The following EML6 variants were observed in gnomAD, a reference collection of about 807,000 sequenced individuals.
EML6 encodes echinoderm microtubule-associated protein-like 6.
Under a neutral mutation model 240.1 loss-of-function variants are expected in EML6, and 154 were observed. That is an observed-to-expected ratio of 0.64 (90% CI 0.56 to 0.73). The LOEUF is 0.73. Among genes scored for constraint, EML6 ranks in the 30% least tolerant of loss-of-function variants. The pLI, the probability that EML6 is intolerant of heterozygous loss-of-function variation, is 0.00. For synonymous variants in EML6, 1,148 were observed against 899.0 expected (o/e 1.28, Z -4.95); for missense variants, 2,964 against 2,474.6 (o/e 1.20, Z -4.20).
chr2:54,874,921 C>T (rs1399983775), intron 16 of EML6, among the ~76,000 whole-genome samples: 1 of 152,152 alleles, frequency 6.6e-6, no homozygotes, highest in East Asian at 1.9e-4. Context: ...AAGGCAGAAC[C>T]CAGGTCCATT....
chr2:54,890,562 G>C (rs1672411170), intron 17 of EML6, among the ~76,000 whole-genome samples: 1 of 152,086 alleles, frequency 6.6e-6, no homozygotes, highest in Non-Finnish European at 1.5e-5. Flanking sequence ...TGGGTCCAGG[G>C]CTTCAACTTC....
At chr2:54,731,726 G>T (rs1192114641) in intron 2 of EML6, among the ~76,000 whole-genome samples, 2 of 152,140 alleles carry the variant, frequency 1.3e-5, no homozygotes, top group Non-Finnish European at 2.9e-5. Context: ...ATAAAGAATT[G>T]TATCAGTCCC....
At chr2:54,815,293 AG>A (rs1668033255) in intron 3 of EML6, among the ~76,000 whole-genome samples, 1 of 152,204 alleles carries the variant, frequency 6.6e-6, no homozygotes, top group African/African-American at 2.4e-5. Context: ...CTTGTATGTT[AG>A]CCATGGTGGA....
Position 54,957,872 on chromosome 2 carries a change from A to G in EML6, c.4569A>G (p.Val1523=), listed in dbSNP as rs534657222. The G allele has an allele frequency of 1.0e-5, 16 of 1,551,410 alleles. No homozygotes were observed. In the East Asian group the frequency reaches 1.2e-4, roughly 12 times the overall value. The part of the protein sequence containing the change: ...EFRPDSDTQF[V]SVGVKHMKFW... ...GCCCCGACTCAGACACGCAGTTTGTATCTGTCGGGGTCAAACATATGAAGT... is the reference window on the plus strand; with the variant it reads ...GCCCCGACTCAGACACGCAGTTTGTGTCTGTCGGGGTCAAACATATGAAGT... Residue 1523 remains valine (V), a synonymous_variant, in exon 33 of 42, where the codon GTA becomes GTG. Coordinates refer to ENST00000356458, the MANE Select transcript of EML6 (RefSeq NM_001039753.4).
At chr2:54,747,639 A>G (rs1683971986) in intron 2 of EML6, among the ~76,000 whole-genome samples, 1 of 152,234 alleles carries the variant, frequency 6.6e-6, no homozygotes, top group African/African-American at 2.4e-5. Context: ...ATGGCAATAA[A>G]AAGTGGTAAT....
chr2:54,925,653 A>G (rs1439581861), intron 26 of EML6, among the ~76,000 whole-genome samples: 2 of 152,186 alleles, frequency 1.3e-5, no homozygotes, highest in African/African-American at 2.4e-5. Context: ...TTAGATCATT[A>G]GTGCCCTGAC....
rs1309498642 is a variant in EML6 at position 54,842,738 on chromosome 2, C to CA, written c.848-1303dup. On this transcript the variant is annotated intron_variant, in intron 7 of 41. Transcript: ENST00000356458. The stretch of plus-strand genomic sequence containing the variant: ...ACCCAGTAAGGAACAGAACAGACTG[C>CA]AAAAAATCCAAGATACTGAGACTCA... Among the ~76,000 whole-genome samples, 22 of 152,212 alleles carry CA rather than the reference C, an allele frequency of 1.4e-4. 1 individual carries two copies. The South Asian group carries it at 3.5e-3, about 24-fold the overall frequency.
chr2:54,866,916 T>C, intron 14 of EML6, 32 bp downstream of exon 14: 2 of 1,312,614 alleles, frequency 1.5e-6, no homozygotes, highest in South Asian at 2.5e-5. Flanking sequence ...CCCGTATGTG[T>C]TCCTCTGTCT....
At chr2:54,806,789 T>C (rs541524496) in intron 2 of EML6, among the ~76,000 whole-genome samples, 41 of 152,248 alleles carry the variant, frequency 2.7e-4, no homozygotes, top group African/African-American at 9.1e-4. Context: ...GTACTCATAG[T>C]ACCTACTTTC....
chr2:54,969,193 T>A (rs1162035992), intron 41 of EML6, among the ~76,000 whole-genome samples: 1 of 152,222 alleles, frequency 6.6e-6, no homozygotes, highest in East Asian at 1.9e-4. Flanking sequence ...AATTTCTTTA[T>A]TTACTCTAAA....
chr2:54,907,946 A>AAGATAGATAGAT (rs11267419), intron 24 of EML6, among the ~76,000 whole-genome samples: 8 of 38,040 alleles, frequency 2.1e-4, no homozygotes, highest in South Asian at 8.2e-4. Context: ...ATAGATAGAT[A>AAGATAGATAGAT]AGATAGATAG....
In EML6 at chr2:54,954,176, T is replaced by C; in HGVS notation, c.4486+20T>C. ...AGGAAGGTAAACCAGCACTGGGCTT[T>C]CTGTCCCTCCAGGGTGTCTGCCTGT... On this transcript the variant is annotated intron_variant, in intron 32 of 41. Transcript: ENST00000356458. 3 of 1,546,976 alleles carry C rather than the reference T, an allele frequency of 1.9e-6. No individual in the cohort carries two copies. The highest frequency in any genetic ancestry group is 2.6e-6 in the Non-Finnish European group (3 of 1,144,654).
intron 36 of EML6, among the ~76,000 whole-genome samples, chr2:54,963,117 G>C (rs945075054): frequency 6.7e-5 from 10 of 149,872 alleles, no homozygotes; most frequent in Admixed American, 4.7e-4. Context: ...GCAAGGAGTG[G>C]CTGGGCGGAG....
chr2:54,784,206 A>G (rs922206318), intron 2 of EML6, among the ~76,000 whole-genome samples: 3 of 152,120 alleles, frequency 2.0e-5, no homozygotes, highest in Non-Finnish European at 4.4e-5. Flanking sequence ...TCAGCCTCCC[A>G]AAGTGTTGGG....
At chr2:54,879,209 C>T (rs995641055) in intron 16 of EML6, among the ~76,000 whole-genome samples, 7 of 152,210 alleles carry the variant, frequency 4.6e-5, no homozygotes, top group Non-Finnish European at 5.9e-5. Context: ...GAGTCTCCCT[C>T]TAGCTCTGTG....
intron 2 of EML6, among the ~76,000 whole-genome samples, chr2:54,795,705 A>G (rs1304658936): frequency 1.3e-5 from 2 of 152,174 alleles, no homozygotes; most frequent in African/African-American, 4.8e-5. Flanking sequence ...GCTCTAAGGA[A>G]CTGACTATAA....
At chr2:54,850,931 C>G (rs894396613) in intron 10 of EML6, among the ~76,000 whole-genome samples, 23 of 152,138 alleles carry the variant, frequency 1.5e-4, no homozygotes, top group African/African-American at 3.6e-4. Context: ...GCTGAGCAAA[C>G]AAAAGAAAGT....
intron 17 of EML6, chr2:54,882,871 A>AAAAAAAAAAAAAAAAAAAAAAAAAAG (rs962733331): frequency 1.6e-4 from 20 of 128,832 alleles, no homozygotes; most frequent in Non-Finnish European, 1.8e-4. Context: ...AAAAAAAAAA[A>AAAAAAAAAAAAAAAAAAAAAAAAAAG]AAAGAAAGCT....
Position 54,971,951 on chromosome 2 carries a change from G to T in EML6, c.*1856G>T, listed in dbSNP as rs942615482. 1.3e-5 allele frequency: 2 copies of T among 152,186 alleles called. No homozygotes were observed. The highest frequency in any genetic ancestry group is 4.8e-5 in the African/African-American group (2 of 41,422). 9.4% of individuals were successfully genotyped at this position (152,186 alleles called of 1,614,324 possible). A position where few individuals can be genotyped will look rare whatever the true frequency, so the allele number is the denominator to read the frequency against. The stretch of plus-strand genomic sequence containing the variant: ...TATGTGAGTTAAAACATTGGTGCAT[G>T]AATTTATTTTCAAAGTATAAAACAC... On this transcript the variant is annotated 3_prime_UTR_variant, in exon 42 of 42. Transcript: ENST00000356458.
Sources: gnomAD v4.1 joint callset for allele counts (sites outside exome capture counted in the v4.1 genomes callset) on GRCh38, gnomAD v4.1.1 for gene constraint, MANE v1.5 for transcripts, NCBI Gene and HGNC (gene_info 2026-07-23, HGNC 2026-07-21) for gene names.